SLIT2: variants seen among roughly 807,000 people sequenced by gnomAD.
SLIT2 encodes slit guidance ligand 2.
A neutral mutation model predicts 185.7 loss-of-function variants in SLIT2; 41 were observed. That is an observed-to-expected ratio of 0.22 (90% CI 0.17 to 0.29). SLIT2 has a LOEUF of 0.29. SLIT2 is among the 10% of genes least tolerant of loss of function. The pLI is 1.00. For missense variants in SLIT2, 1,571 were observed against 1,909.0 expected, an observed-to-expected ratio of 0.82 and a Z score of 3.30; for synonymous variants, 693 against 680.2, an observed-to-expected ratio of 1.02 and a Z score of -0.29.
chr4:20,554,058 G>A, intron 26 of SLIT2, 90 bp downstream of exon 26: 1 of 1,050,318 alleles, frequency 9.5e-7, no homozygotes, highest in South Asian at 1.7e-5. Flanking sequence ...CAAAGGTATG[G>A]TTGAAATGCC....
chr4:20,594,968 A>G (rs901852001), intron 30 of SLIT2, among the ~76,000 whole-genome samples: 10 of 152,174 alleles, frequency 6.6e-5, no homozygotes, highest in Non-Finnish European at 1.2e-4. Flanking sequence ...GAGCAGGGCC[A>G]GAGGAAGTGC....
chr4:20,253,819 C>A lies in SLIT2; in HGVS notation c.4C>A (p.Arg2Ser), dbSNP rs200224686. 1.3e-6 allele frequency: 2 copies of A among 1,598,440 alleles called. No individual in the cohort carries two copies. The highest frequency in any genetic ancestry group is 1.7e-5 in the Admixed American group (1 of 59,972). Residue 2 changes from arginine to serine, a missense_variant, in exon 1 of 37, where the codon CGC (arginine) becomes AGC (serine). By Grantham distance (110) the Arg-to-Ser change is moderately radical. Transcript: ENST00000504154. ...AGGAAGGAGGCGGCGGGGAAAGATG[C>A]GCGGCGTTGGCTGGCAGATGCTGTC... is the stretch of plus-strand genomic sequence containing the variant. M[R>S]GVGWQMLSLS...
chr4:20,510,068 T>C (rs1477037644), intron 9 of SLIT2, among the ~76,000 whole-genome samples: 1 of 152,214 alleles, frequency 6.6e-6, no homozygotes, highest in African/African-American at 2.4e-5. Context: ...AAAAGGCTTA[T>C]AAAATTTAAT....
At position 20,617,101 on chromosome 4, in the gene SLIT2, C is replaced by A; in HGVS notation, c.4039C>A (p.Gln1347Lys). Residue 1347 changes from glutamine (Q) to lysine (K), a missense_variant, in exon 35 of 37, where the codon CAG (glutamine) becomes AAG (lysine). Coordinates refer to ENST00000504154, the MANE Select transcript of SLIT2 (RefSeq NM_004787.4). ...GAAGGTGTGTGCCCATGGCACATGC[C>A]AGCCCAGCAGCCAGGCAGGCTTCAC... is the stretch of plus-strand genomic sequence containing the variant. ...HKKVCAHGTC[Q>K]PSSQAGFTCE... 6.2e-7 allele frequency: 1 copy of A among 1,612,328 alleles called. No individual in the cohort carries two copies. Among genetic ancestry groups the A allele is most frequent in the South Asian group, 1.1e-5 (1 of 91,050 alleles).
chr4:20,617,711 T>A, intron 36 of SLIT2, 61 bp downstream of exon 36: 1 of 1,106,252 alleles, frequency 9.0e-7, no homozygotes. Context: ...CCCATGTCTT[T>A]GAAAAGAGAG....
chr4:20,518,656 G>C (rs1720529500), intron 11 of SLIT2, among the ~76,000 whole-genome samples: 3 of 101,124 alleles, frequency 3.0e-5, no homozygotes, highest in African/African-American at 3.8e-5. Context: ...CCAGGCTGGA[G>C]TGCAGTGGCG....
At chr4:20,478,607 G>A (rs994278284) in intron 5 of SLIT2, among the ~76,000 whole-genome samples, 3 of 152,132 alleles carry the variant, frequency 2.0e-5, no homozygotes, top group Non-Finnish European at 4.4e-5. Flanking sequence ...GACAGCTAAG[G>A]ATAATAAGAT....
At chr4:20,569,685 T>G (rs1725403408) in intron 29 of SLIT2, among the ~76,000 whole-genome samples, 1 of 152,092 alleles carries the variant, frequency 6.6e-6, no homozygotes, top group South Asian at 2.1e-4. Context: ...AGAAACTTCA[T>G]AGATATGCTC....
In SLIT2 at chr4:20,419,493, T is replaced by C. The variant is rs147331483; in HGVS notation, c.396-48259T>C. The stretch of plus-strand genomic sequence containing the variant: ...CAGTTGTTCTTGGGAAAAAGGAGAC[T>C]AGAACAGTGATTTCAGATCTGGAAT... On this transcript the variant is annotated intron_variant, in intron 4 of 36. Transcript: ENST00000504154. Among the ~76,000 whole-genome samples the C allele has an allele frequency of 4.8e-3, 732 of 152,234 alleles. 2 individuals are homozygous for C. The highest frequency in any genetic ancestry group is 0.017 in the African/African-American group (689 of 41,572).
intron 4 of SLIT2, among the ~76,000 whole-genome samples, chr4:20,454,791 C>T (rs1712879832): frequency 1.3e-5 from 2 of 152,090 alleles, no homozygotes; most frequent in African/African-American, 4.8e-5. Flanking sequence ...TCATTGCACT[C>T]TAAGGTTAAT....
intron 26 of SLIT2, among the ~76,000 whole-genome samples, chr4:20,564,689 T>C (rs1327784131): frequency 6.6e-6 from 1 of 151,932 alleles, no homozygotes; most frequent in Non-Finnish European, 1.5e-5. Flanking sequence ...ACTCAGTATT[T>C]TGCTATATTC....
intron 4 of SLIT2, among the ~76,000 whole-genome samples, chr4:20,462,214 T>C (rs1038765805): frequency 4.6e-5 from 7 of 152,196 alleles, no homozygotes; most frequent in African/African-American, 1.7e-4. Flanking sequence ...AGCTTCAGAA[T>C]GGGGAAGCCT....
At chr4:20,495,228 A>G (rs1718126793) in intron 9 of SLIT2, among the ~76,000 whole-genome samples, 1 of 152,206 alleles carries the variant, frequency 6.6e-6, no homozygotes, top group Non-Finnish European at 1.5e-5. Context: ...ATTTTTTGAA[A>G]AAGACAATTG....
chr4:20,371,152 C>A (rs1031525018), intron 4 of SLIT2, among the ~76,000 whole-genome samples: 2 of 151,996 alleles, frequency 1.3e-5, no homozygotes, highest in Non-Finnish European at 1.5e-5. Flanking sequence ...TAAGGGGCAC[C>A]ATTCAGATGT....
At chr4:20,576,887 G>T (rs143322403) in intron 29 of SLIT2, among the ~76,000 whole-genome samples, 36 of 152,034 alleles carry the variant, frequency 2.4e-4, no homozygotes, top group African/African-American at 6.0e-4. Context: ...TTCAGTAGCT[G>T]CTGGAATTGG....
chr4:20,335,038 A>G (rs954879549), intron 4 of SLIT2, among the ~76,000 whole-genome samples: 1 of 152,194 alleles, frequency 6.6e-6, no homozygotes, highest in Admixed American at 6.5e-5. Flanking sequence ...TCTTAGATAT[A>G]TGCAATGGTG....
chr4:20,275,358 A>G (rs1379529544), intron 4 of SLIT2, among the ~76,000 whole-genome samples: 1 of 152,184 alleles, frequency 6.6e-6, no homozygotes, highest in African/African-American at 2.4e-5. Flanking sequence ...TAAAATGGGA[A>G]GGATCATACA....
intron 5 of SLIT2, among the ~76,000 whole-genome samples, chr4:20,469,849 G>A (rs999014246): frequency 1.0e-4 from 14 of 138,714 alleles, no homozygotes; most frequent in African/African-American, 3.2e-4. Flanking sequence ...TCCACCCCCC[G>A]GGTTCAAGCG....
intron 4 of SLIT2, among the ~76,000 whole-genome samples, chr4:20,328,586 A>C (rs951618080): frequency 9.2e-5 from 14 of 151,936 alleles, no homozygotes; most frequent in Non-Finnish European, 1.8e-4. Context: ...GAGGTTTACA[A>C]TTTGAAAAAA....
Sources: allele counts gnomAD v4.1 joint callset (sites outside exome capture counted in the v4.1 genomes callset), GRCh38; gene constraint gnomAD v4.1.1; transcripts MANE v1.5; gene names NCBI Gene and HGNC (gene_info 2026-07-23, HGNC 2026-07-21).